Variants in HMCN1 observed in about 807,000 individuals in gnomAD.
HMCN1 encodes the protein hemicentin 1, also known as hemicentin-1.
HMCN1 carries 321 observed loss-of-function variants against 625.9 expected under a neutral mutation model. The observed-to-expected ratio is 0.51, with a 90% CI of 0.47 to 0.56. The LOEUF (loss-of-function observed/expected upper bound fraction) is 0.56. Ranked by LOEUF, HMCN1 falls within the 20% of genes least tolerant of loss-of-function variation. The probability of loss-of-function intolerance (pLI) is 0.00; values close to 1 mark genes in which losing one functional copy is unlikely to be tolerated. For synonymous variants in HMCN1, 2,425 were observed against 2,417.6 expected (o/e 1.00, Z -0.09); for missense variants, 6,588 against 6,887.3 (o/e 0.96, Z 1.54).
At chr1:185,805,242 CAGT>C (rs1366037807) in intron 1 of HMCN1, among the ~76,000 whole-genome samples, 2 of 152,096 alleles carry the variant, frequency 1.3e-5, no homozygotes, top group Non-Finnish European at 2.9e-5. Context: ...GTTATAAGTA[CAGT>C]AGAATTTGCA....
chr1:185,783,881 C>T (rs954065098), intron 1 of HMCN1, among the ~76,000 whole-genome samples: 5 of 152,174 alleles, frequency 3.3e-5, no homozygotes, highest in African/African-American at 1.2e-4. Flanking sequence ...AGCTGTTAGC[C>T]ACGGACTTTT....
intron 100 of HMCN1, among the ~76,000 whole-genome samples, chr1:186,168,888 T>A (rs916526055): frequency 4.6e-5 from 7 of 152,222 alleles, no homozygotes; most frequent in South Asian, 2.1e-4. Flanking sequence ...ACATTAGGTA[T>A]TTCTCCTAAT....
At chr1:186,042,776 G>C (rs1302965874) in intron 40 of HMCN1, among the ~76,000 whole-genome samples, 1 of 151,912 alleles carries the variant, frequency 6.6e-6, no homozygotes. Flanking sequence ...ATTATTATTT[G>C]CATAAATTAT....
rs1158025720 is a variant in HMCN1, at chr1:186,145,906, A to G, written c.14591A>G (p.Asn4864Ser). 2 of 1,613,900 alleles carry G rather than the reference A, an allele frequency of 1.2e-6. No homozygotes were observed. The highest frequency in any genetic ancestry group is 1.3e-5 in the African/African-American group (1 of 74,894). ...PGDTTQVTRC[N>S]VQACPGGPQR... ...GACACTACTCAGGTGACCAGGTGCA[A>G]TGTACAAGCATGTCCAGGTAAGCAA... is the stretch of plus-strand genomic sequence containing the variant. Residue 4864 changes from asparagine (N) to serine (S), a missense_variant, in exon 93 of 107, where the codon AAT (asparagine) becomes AGT (serine). This residue lies in a region of HMCN1 where 1,954 missense variants were observed against 2,013.1 expected (regional missense o/e 0.97). Coordinates refer to ENST00000271588, the MANE Select transcript of HMCN1 (RefSeq NM_031935.3).
chr1:185,970,972 C>T (rs1371249070), intron 15 of HMCN1, among the ~76,000 whole-genome samples: 1 of 151,958 alleles, frequency 6.6e-6, no homozygotes, highest in Non-Finnish European at 1.5e-5. Context: ...TTTCTAGGTA[C>T]CGTTCGCTGT....
At chr1:186,072,439 G>C (rs1416064632) in intron 52 of HMCN1, among the ~76,000 whole-genome samples, 1 of 152,098 alleles carries the variant, frequency 6.6e-6, no homozygotes, top group East Asian at 1.9e-4. Flanking sequence ...CTATTTGTCA[G>C]ACACTGTTTT....
chr1:185,802,173 G>A (rs1049508817), intron 1 of HMCN1, among the ~76,000 whole-genome samples: 1 of 152,106 alleles, frequency 6.6e-6, no homozygotes, highest in Non-Finnish European at 1.5e-5. Flanking sequence ...TAGGCATGGG[G>A]TGAATCATGT....
At position 186,159,346 on chromosome 1, in the gene HMCN1, A is replaced by G. The variant is rs1204721591; in HGVS notation, c.15256+5359A>G. On this transcript the variant is annotated intron_variant, in intron 97 of 106. Coordinates refer to ENST00000271588, the MANE Select transcript of HMCN1 (RefSeq NM_031935.3). ...TGAGACAATGGGGTTTTCTAGATGT[A>G]CAATCATGTCATCTGCAAACAGGGA... Among the ~76,000 whole-genome samples the G allele has an allele frequency of 2.0e-5, 3 of 152,188 alleles. No individual in the cohort carries two copies. The East Asian group carries it at 5.8e-4, about 29-fold the overall frequency.
rs561552482 is a variant in HMCN1, at chr1:185,872,213, G to C, written c.621+6350G>C. Among the ~76,000 whole-genome samples, 31 of 152,152 alleles carry C rather than the reference G, an allele frequency of 2.0e-4. 1 individual carries two copies. The South Asian group carries it at 6.4e-3, about 32-fold the overall frequency. On this transcript the variant is annotated intron_variant, in intron 4 of 106. Transcript: ENST00000271588. ...CACATCCACAAACACAACAGAAAAGGAATGCATACCTGAACTTTAGTTTCA... is the reference window on the plus strand; with the variant it reads ...CACATCCACAAACACAACAGAAAAGCAATGCATACCTGAACTTTAGTTTCA...
chr1:185,836,533 C>T (rs1262030604), intron 1 of HMCN1, among the ~76,000 whole-genome samples: 1 of 152,012 alleles, frequency 6.6e-6, no homozygotes, highest in Non-Finnish European at 1.5e-5. Context: ...ATGTTTTTAA[C>T]CATTTCTCCA....
At chr1:185,742,280 C>T (rs1043139150) in intron 1 of HMCN1, among the ~76,000 whole-genome samples, 1 of 152,098 alleles carries the variant, frequency 6.6e-6, no homozygotes, top group African/African-American at 2.4e-5. Context: ...TTCAAAGTAG[C>T]AAGGACTTGA....
At chr1:185,984,688 C>G (rs1469740924) in intron 19 of HMCN1, among the ~76,000 whole-genome samples, 2 of 152,196 alleles carry the variant, frequency 1.3e-5, no homozygotes, top group Middle Eastern at 3.2e-3. Flanking sequence ...CATGTCCTTA[C>G]TAATGACCCC....
intron 37 of HMCN1, among the ~76,000 whole-genome samples, chr1:186,038,284 A>G (rs977045717): frequency 6.6e-6 from 1 of 152,208 alleles, no homozygotes; most frequent in African/African-American, 2.4e-5. Flanking sequence ...TATTGTCAAT[A>G]TTGTGGCCAC....
At chr1:185,913,379 G>A (rs1666532943) in intron 6 of HMCN1, among the ~76,000 whole-genome samples, 1 of 152,118 alleles carries the variant, frequency 6.6e-6, no homozygotes. Flanking sequence ...TTATGTAATG[G>A]TTATTTTGAC....
intron 15 of HMCN1, among the ~76,000 whole-genome samples, chr1:185,975,668 A>T (rs1489837839): frequency 6.6e-6 from 1 of 152,206 alleles, no homozygotes. Context: ...AAATATGTTT[A>T]TTTTGCCTAT....
At chr1:186,063,786 A>G (rs1306447799) in intron 48 of HMCN1, among the ~76,000 whole-genome samples, 6 of 152,200 alleles carry the variant, frequency 3.9e-5, no homozygotes, top group African/African-American at 7.2e-5. Flanking sequence ...GAGGGAATAT[A>G]GAGTAGGAAA....
intron 98 of HMCN1, 85 bp downstream of exon 98, chr1:186,165,258 A>G: frequency 8.9e-7 from 1 of 1,119,508 alleles, no homozygotes; most frequent in Non-Finnish European, 1.4e-6. Context: ...TTGCCCTTTC[A>G]CTAGGTATTT....
intron 1 of HMCN1, among the ~76,000 whole-genome samples, chr1:185,785,073 A>G (rs962683678): frequency 6.6e-6 from 1 of 152,204 alleles, no homozygotes; most frequent in Admixed American, 6.5e-5. Context: ...TTGTTTATCT[A>G]TCTTCATGTT....
In HMCN1 at chr1:185,909,615, C is replaced by G. The variant is rs1488376488; in HGVS notation, c.793+107C>G. On this transcript the variant is annotated intron_variant, in intron 5 of 106. Transcript: ENST00000271588. ...TTAATGCCAACTTCATGAATAAATTCAATAAATTCAGAAGTGGCTAAGGAA... is the reference window on the plus strand; with the variant it reads ...TTAATGCCAACTTCATGAATAAATTGAATAAATTCAGAAGTGGCTAAGGAA... The G allele has an allele frequency of 9.3e-6, 9 of 969,826 alleles. No homozygotes were observed. In the African/African-American group the frequency reaches 1.1e-4, roughly 12 times the overall value. The allele number at this position is 969,826 out of a possible 1,614,324, so 60.1% of individuals were successfully genotyped here.
Sources: gnomAD v4.1 joint callset for allele counts (sites outside exome capture counted in the v4.1 genomes callset) on GRCh38, gnomAD v4.1.1 for gene constraint, gnomAD v4.1.1 regional missense constraint, MANE v1.5 for transcripts, NCBI Gene and HGNC (gene_info 2026-07-23, HGNC 2026-07-21) for gene names.